ACTN2: variants seen among roughly 807,000 people sequenced by gnomAD.
ACTN2 encodes the protein actinin alpha 2.
A neutral mutation model predicts 113.8 loss-of-function variants in ACTN2; 39 were observed. The ratio of observed to expected loss-of-function variants is 0.34; its 90% confidence interval spans 0.27 to 0.45. ACTN2 has a LOEUF of 0.45. Among genes scored for constraint, ACTN2 ranks in the 20% least tolerant of loss-of-function variants. ACTN2 has a pLI of 1.00. For missense variants in ACTN2, 992 were observed against 1,177.9 expected (o/e 0.84, Z 2.31); for synonymous variants, 429 against 444.1 (o/e 0.97, Z 0.43).
At chr1:236,733,282 A>G (rs1251977909) in intron 7 of ACTN2, among the ~76,000 whole-genome samples, 2 of 152,184 alleles carry the variant, frequency 1.3e-5, no homozygotes, top group African/African-American at 4.8e-5. Flanking sequence ...ATGCCTCCCT[A>G]GTATCCTAAA....
intron 12 of ACTN2, among the ~76,000 whole-genome samples, chr1:236,746,188 G>GA (rs374625975): frequency 1.7e-3 from 214 of 128,540 alleles, no homozygotes; most frequent in Non-Finnish European, 1.9e-3. Context: ...AAAAAAGAAA[G>GA]AAAAAAAAAA....
rs778030507 is a variant in ACTN2, at chr1:236,751,640, C to T, written c.1827C>T (p.Thr609=). The T allele has an allele frequency of 2.5e-6, 4 of 1,613,774 alleles. No homozygotes were observed. In the South Asian group the frequency reaches 4.4e-5, roughly 18 times the overall value. ...YSTVTMDELR[T]KWDKVKQLVP... ...CTGTCACCATGGATGAGCTCCGGAC[C>T]AAGTGGGACAAGGTGGGTGGCTGAG... Residue 609 remains threonine (T), a synonymous_variant, in exon 15 of 21, where the codon ACC becomes ACT. Coordinates refer to ENST00000366578, the MANE Select transcript of ACTN2 (RefSeq NM_001103.4).
chr1:236,745,188 A>G (rs912695617), intron 12 of ACTN2, among the ~76,000 whole-genome samples: 11 of 152,138 alleles, frequency 7.2e-5, no homozygotes, highest in African/African-American at 2.7e-4. Context: ...TAATCCCAGC[A>G]CTTTGGGAGG....
intron 6 of ACTN2, among the ~76,000 whole-genome samples, chr1:236,729,722 T>A (rs1047517114): frequency 9.9e-5 from 15 of 152,234 alleles, no homozygotes; most frequent in Non-Finnish European, 1.2e-4. Context: ...TGTATTTTCT[T>A]ATCCCCTGAA....
intron 7 of ACTN2, among the ~76,000 whole-genome samples, chr1:236,734,189 C>T (rs1443633265): frequency 6.6e-6 from 1 of 152,176 alleles, no homozygotes; most frequent in African/African-American, 2.4e-5. Flanking sequence ...GGTTAGGGCT[C>T]TTCTGGGTTA....
intron 7 of ACTN2, among the ~76,000 whole-genome samples, chr1:236,734,709 G>A (rs1292152925): frequency 2.0e-5 from 3 of 152,154 alleles, no homozygotes; most frequent in South Asian, 2.1e-4. Flanking sequence ...GTGGTATGCC[G>A]TTCATGTTTG....
intron 4 of ACTN2, among the ~76,000 whole-genome samples, chr1:236,721,320 T>C (rs969413447): frequency 6.6e-5 from 10 of 151,984 alleles, no homozygotes; most frequent in African/African-American, 1.7e-4. Context: ...GACTCTGGTC[T>C]TTTTAAGTGA....
intron 11 of ACTN2, 56 bp from the exon 12 acceptor site, chr1:236,744,570 T>A: frequency 6.2e-7 from 1 of 1,602,264 alleles, no homozygotes; most frequent in Non-Finnish European, 8.5e-7. Flanking sequence ...GTGGCTGGCA[T>A]GAGGAAGCCG....
In ACTN2 at chr1:236,762,530, A is replaced by T. The variant is rs1395445136; in HGVS notation, c.2596A>T (p.Met866Leu). 8 of 1,614,014 alleles carry T rather than the reference A, an allele frequency of 5.0e-6. No individual in the cohort carries two copies. The Admixed American group carries it at 8.3e-5, about 17-fold the overall frequency. ...TCAGGCCCAGTACTGCATCAAGAGG[A>T]TGCCCGCCTACTCGGGCCCAGGCAG... ...PDQAQYCIKR[M>L]PAYSGPGSVP... is the part of the protein sequence containing the mutation. The change falls in exon 21 of 21, where the codon ATG becomes TTG. Residue 866 changes from methionine to leucine, a missense_variant. Met to Leu is a conservative substitution (Grantham distance 15, BLOSUM62 2). This residue lies in a region of ACTN2 where 736 missense variants were observed against 815.4 expected (regional missense o/e 0.90). Coordinates refer to ENST00000366578, the MANE Select transcript of ACTN2 (RefSeq NM_001103.4).
Position 236,739,393 on chromosome 1 carries a change from T to G in ACTN2, c.968T>G (p.Phe323Cys). 2.5e-6 allele frequency: 4 copies of G among 1,613,948 alleles called. No homozygotes were observed. Among genetic ancestry groups the G allele is most frequent in the Non-Finnish European group, 3.4e-6 (4 of 1,179,998 alleles). Residue 323 changes from phenylalanine (F) to cysteine (C), a missense_variant, in exon 10 of 21, where the codon TTC (phenylalanine) becomes TGC (cysteine). Phe to Cys is a radical substitution (Grantham distance 205). Coordinates refer to ENST00000366578, the MANE Select transcript of ACTN2 (RefSeq NM_001103.4). Reference protein sequence around the residue: ...MQAMQKKLEDFRDYRRKHKPP... With the variant: ...MQAMQKKLEDCRDYRRKHKPP... The stretch of plus-strand genomic sequence containing the variant: ...GCCATGCAGAAGAAGCTGGAGGACT[T>G]CCGGGATTACCGCCGGAAGCACAAG...
rs1659777073 is a variant in ACTN2, at chr1:236,763,858, T to C, written c.*1239T>C. 6.6e-6 allele frequency: 1 copy of C among 152,242 alleles called. No individual in the cohort carries two copies. 9.4% of individuals were successfully genotyped at this position (152,242 alleles called of 1,614,324 possible). Reference sequence around the variant, plus strand: ...TGATCTGTTGAATGTTCATTCTTTCTTTTTGCTCATACTGCTGTAGGCTAT... The same window carrying C: ...TGATCTGTTGAATGTTCATTCTTTCCTTTTGCTCATACTGCTGTAGGCTAT... On this transcript the variant is annotated 3_prime_UTR_variant, in exon 21 of 21. Coordinates refer to ENST00000366578, the MANE Select transcript of ACTN2 (RefSeq NM_001103.4).
At chr1:236,748,183 G>A (rs1232086918) in intron 13 of ACTN2, 2 of 250,658 alleles carry the variant, frequency 8.0e-6, no homozygotes, top group African/African-American at 2.3e-5. Context: ...GAATTGGGAC[G>A]AATTTGGCCT....
rs1666732219 is a variant in ACTN2 at position 236,759,805 on chromosome 1, A to G, written c.2367+16A>G. 14 of 1,604,426 alleles carry G rather than the reference A, an allele frequency of 8.7e-6. No homozygotes were observed. Among genetic ancestry groups the G allele is most frequent in the Non-Finnish European group, 1.1e-5 (13 of 1,171,158 alleles). ...TTATGACCTGGTAAGACAGAAGTTG[A>G]AATTGTACTAAGATTTGATATTTTA... On this transcript the variant is annotated intron_variant, in intron 19 of 20. Coordinates refer to ENST00000366578, the MANE Select transcript of ACTN2 (RefSeq NM_001103.4).
At chr1:236,724,869 G>A (rs1178814161) in intron 4 of ACTN2, among the ~76,000 whole-genome samples, 1 of 128,390 alleles carries the variant, frequency 7.8e-6, no homozygotes, top group Admixed American at 8.8e-5. Context: ...TTGGTGAGAA[G>A]TCAATTGGCC....
At chr1:236,760,951 G>A in intron 19 of ACTN2, 64 bp from the exon 20 acceptor site, 5 of 1,604,072 alleles carry the variant, frequency 3.1e-6, no homozygotes, top group Non-Finnish European at 4.3e-6. Flanking sequence ...GGGAAAGAAT[G>A]AAAACGGCTC....
intron 1 of ACTN2, among the ~76,000 whole-genome samples, chr1:236,709,253 T>TATATAC (rs1657933431): frequency 1.4e-5 from 1 of 70,208 alleles, no homozygotes; most frequent in African/African-American, 4.8e-5. Flanking sequence ...TATATATATA[T>TATATAC]ATACACACAC....
chr1:236,717,727 A>G (rs928602647), intron 1 of ACTN2, 131 bp from the exon 2 acceptor site: 7 of 706,044 alleles, frequency 9.9e-6, no homozygotes, highest in Admixed American at 6.3e-5. Flanking sequence ...CAAATTCTGC[A>G]TCCTCTAGAA....
At chr1:236,724,983 G>C (rs1210766260) in intron 4 of ACTN2, among the ~76,000 whole-genome samples, 6 of 151,980 alleles carry the variant, frequency 3.9e-5, no homozygotes, top group Non-Finnish European at 5.9e-5. Context: ...TTACCTAAGA[G>C]TATGAATTAC....
At chr1:236,715,898 G>T (rs1310368969) in intron 1 of ACTN2, among the ~76,000 whole-genome samples, 1 of 152,172 alleles carries the variant, frequency 6.6e-6, no homozygotes, top group Non-Finnish European at 1.5e-5. Context: ...GGAGATTGCG[G>T]TGAGCTGAGA....
Sources: gnomAD v4.1 joint callset for allele counts (sites outside exome capture counted in the v4.1 genomes callset) on GRCh38, gnomAD v4.1.1 for gene constraint, gnomAD v4.1.1 regional missense constraint, MANE v1.5 for transcripts, NCBI Gene and HGNC (gene_info 2026-07-23, HGNC 2026-07-21) for gene names.